The following TAFA4 variants were observed in gnomAD, a reference collection of about 807,000 sequenced individuals.
TAFA4 encodes TAFA chemokine like family member 4, also known as chemokine-like protein TAFA-4.
A neutral mutation model predicts 21.1 loss-of-function variants in TAFA4; 20 were observed. The ratio of observed to expected loss-of-function variants is 0.95; its 90% CI spans 0.67 to 1.38. The LOEUF (loss-of-function observed/expected upper bound fraction) is 1.38, where lower values mean the gene tolerates loss of function less well. TAFA4 is among the 40% of genes most tolerant of loss of function. The probability of loss-of-function intolerance (pLI) is 0.00; values close to 1 mark genes in which losing one functional copy is unlikely to be tolerated. For missense variants in TAFA4, 211 were observed against 180.9 expected (o/e 1.17, Z -0.95); for synonymous variants, 71 against 67.4 (o/e 1.05, Z -0.26).
intron 3 of TAFA4, among the ~76,000 whole-genome samples, chr3:68,815,130 G>T (rs143257447): frequency 0.012 from 1,752 of 152,268 alleles, 38 homozygotes; most frequent in African/African-American, 0.039. Flanking sequence ...GCTGAAACTG[G>T]ATCCCTTCCT....
chr3:68,785,198 T>A (rs1450724893), intron 3 of TAFA4, among the ~76,000 whole-genome samples: 1 of 152,242 alleles, frequency 6.6e-6, no homozygotes, highest in African/African-American at 2.4e-5. Context: ...ATCCCCTAGC[T>A]AGACATAAAG....
chr3:68,899,876 C>A (rs1001618557), intron 1 of TAFA4, among the ~76,000 whole-genome samples: 1 of 152,100 alleles, frequency 6.6e-6, no homozygotes, highest in Non-Finnish European at 1.5e-5. Flanking sequence ...CCATAATATG[C>A]AGTGTAACAT....
chr3:68,848,544 G>T (rs1423856298), intron 3 of TAFA4, among the ~76,000 whole-genome samples: 1 of 152,012 alleles, frequency 6.6e-6, no homozygotes, highest in African/African-American at 2.4e-5. Context: ...GCCTTTCCAG[G>T]GTCCATGGTT....
At chr3:68,835,124 C>T (rs1018818399) in intron 3 of TAFA4, among the ~76,000 whole-genome samples, 2 of 152,118 alleles carry the variant, frequency 1.3e-5, no homozygotes, top group Admixed American at 6.6e-5. Context: ...GTGTCCACCA[C>T]CTGGAACACC....
intron 3 of TAFA4, among the ~76,000 whole-genome samples, chr3:68,826,524 G>C (rs1257235675): frequency 6.9e-6 from 1 of 144,608 alleles, no homozygotes; most frequent in Non-Finnish European, 1.5e-5. Context: ...AGTGAGCCGA[G>C]ATCGCGCCAC....
chr3:68,880,426 A>ACG (rs762262624), intron 3 of TAFA4, among the ~76,000 whole-genome samples: 4 of 151,504 alleles, frequency 2.6e-5, no homozygotes, highest in Non-Finnish European at 5.9e-5. Flanking sequence ...ACATGTATGC[A>ACG]CACACACACA....
chr3:68,742,184 A>G (rs990252987), intron 4 of TAFA4, among the ~76,000 whole-genome samples: 1 of 143,792 alleles, frequency 7.0e-6, no homozygotes, highest in Non-Finnish European at 1.5e-5. Flanking sequence ...AACTCTCAAC[A>G]AAGATAATTT....
chr3:68,736,400 C>CTAGT (rs1281939345), intron 5 of TAFA4, among the ~76,000 whole-genome samples: 1 of 152,062 alleles, frequency 6.6e-6, no homozygotes, highest in East Asian at 1.9e-4. Flanking sequence ...GAAAAGATAA[C>CTAGT]TAGTTAGGGA....
At chr3:68,927,817 T>C (rs1559566195) in intron 1 of TAFA4, among the ~76,000 whole-genome samples, 1 of 151,724 alleles carries the variant, frequency 6.6e-6, no homozygotes, top group Non-Finnish European at 1.5e-5. Flanking sequence ...AGGATTGCTT[T>C]AGCCCAGGAG....
chr3:68,735,043 A>G (rs898642087), intron 5 of TAFA4, among the ~76,000 whole-genome samples: 4 of 152,140 alleles, frequency 2.6e-5, no homozygotes, highest in African/African-American at 7.2e-5. Context: ...TGACGGATAC[A>G]AGGCTACTAA....
chr3:68,899,988 C>A (rs987895586), intron 1 of TAFA4, among the ~76,000 whole-genome samples: 1 of 151,414 alleles, frequency 6.6e-6, no homozygotes, highest in Non-Finnish European at 1.5e-5. Context: ...ACCTGTAATC[C>A]CAGCACTTTT....
chr3:68,894,086 A>G (rs371985901), intron 1 of TAFA4, among the ~76,000 whole-genome samples: 5 of 152,152 alleles, frequency 3.3e-5, no homozygotes, highest in Non-Finnish European at 7.3e-5. Context: ...AATTATTTCT[A>G]TGGAATACTA....
chr3:68,889,343 C>CT (rs1319946148), intron 1 of TAFA4, among the ~76,000 whole-genome samples: 1 of 152,176 alleles, frequency 6.6e-6, no homozygotes, highest in Non-Finnish European at 1.5e-5. Flanking sequence ...AGAGCCCATT[C>CT]TTCAAATGTT....
At position 68,799,698 on chromosome 3, in the gene TAFA4, G is replaced by A. The variant is rs995919501; in HGVS notation, c.131-46680C>T. Among the ~76,000 whole-genome samples, 4 of 152,150 alleles carry A rather than the reference G, an allele frequency of 2.6e-5. No individual in the cohort carries two copies. In the South Asian group the frequency reaches 8.3e-4, roughly 32 times the overall value. On this transcript the variant is annotated intron_variant, in intron 3 of 5. Coordinates refer to ENST00000295569, the MANE Select transcript of TAFA4 (RefSeq NM_182522.5). ...AAGGAGAAAAGGCAAAGTGATGAGA[G>A]GCCACGTGCTAAGGAATGAAGATAG...
chr3:68,871,659 CAATT>C (rs2089484396), intron 3 of TAFA4, among the ~76,000 whole-genome samples: 1 of 152,004 alleles, frequency 6.6e-6, no homozygotes, highest in Non-Finnish European at 1.5e-5. Context: ...ATCCAACAAT[CAATT>C]AATAAGCAGC....
chr3:68,840,113 G>C (rs1704623699), intron 3 of TAFA4, among the ~76,000 whole-genome samples: 1 of 152,218 alleles, frequency 6.6e-6, no homozygotes, highest in South Asian at 2.1e-4. Context: ...GAGATGGTGA[G>C]ACTCAAGGAC....
chr3:68,909,050 TTTTG>T (rs1205207752), intron 1 of TAFA4, among the ~76,000 whole-genome samples: 1 of 152,238 alleles, frequency 6.6e-6, no homozygotes, highest in Non-Finnish European at 1.5e-5. Flanking sequence ...GAATTTTTAG[TTTTG>T]TTTAATTCTA....
chr3:68,908,795 T>C (rs1262812986), intron 1 of TAFA4, among the ~76,000 whole-genome samples: 1 of 152,214 alleles, frequency 6.6e-6, no homozygotes, highest in Non-Finnish European at 1.5e-5. Context: ...GAAGGGCTAG[T>C]TCAGTTATAC....
At chr3:68,805,479 C>A (rs557053898) in intron 3 of TAFA4, among the ~76,000 whole-genome samples, 24 of 152,210 alleles carry the variant, frequency 1.6e-4, no homozygotes, top group Non-Finnish European at 2.2e-4. Flanking sequence ...ACTATAAAAT[C>A]ATGCTGCTAT....
Sources: allele counts gnomAD v4.1 joint callset (sites outside exome capture counted in the v4.1 genomes callset), GRCh38; gene constraint gnomAD v4.1.1; transcripts MANE v1.5; gene names NCBI Gene and HGNC (gene_info 2026-07-23, HGNC 2026-07-21).